The following NCKAP5 variants were observed in gnomAD, a reference collection of about 807,000 sequenced individuals.
The protein encoded by NCKAP5 is nck-associated protein 5.
Under a neutral mutation model 167.0 loss-of-function variants are expected in NCKAP5, and 92 were observed. The ratio of observed to expected loss-of-function variants is 0.55; its 90% CI spans 0.47 to 0.66. The LOEUF is 0.66. Ranked by LOEUF, NCKAP5 falls within the 30% of genes least tolerant of loss-of-function variation. The pLI is 0.00. For synonymous variants in NCKAP5, 891 were observed against 877.4 expected (o/e 1.02, Z -0.27); for missense variants, 2,378 against 2,315.0 (o/e 1.03, Z -0.56).
At chr2:133,168,010 A>G (rs2084071956) in intron 5 of NCKAP5, among the ~76,000 whole-genome samples, 1 of 152,166 alleles carries the variant, frequency 6.6e-6, no homozygotes, top group South Asian at 2.1e-4. Context: ...TACTGTTTGC[A>G]AGGTACTATT....
At chr2:133,347,589 A>G (rs1211371104) in intron 3 of NCKAP5, among the ~76,000 whole-genome samples, 2 of 149,596 alleles carry the variant, frequency 1.3e-5, no homozygotes, top group Admixed American at 6.7e-5. Flanking sequence ...TTAATATAAT[A>G]TAATATAATA....
intron 3 of NCKAP5, 42 bp from the exon 4 acceptor site, chr2:133,303,152 G>A: frequency 7.3e-7 from 1 of 1,370,142 alleles, no homozygotes; most frequent in Non-Finnish European, 1.0e-6. Flanking sequence ...CACTATGACA[G>A]TCCCCACCAT....
the NCKAP5 span, among the ~76,000 whole-genome samples, chr2:133,673,312 C>G: frequency 6.6e-6 from 1 of 152,188 alleles, no homozygotes; most frequent in Non-Finnish European, 1.5e-5. Flanking sequence ...GCTGTTATGT[C>G]TGAAATAGTT....
chr2:133,225,248 C>A (rs932012146), intron 4 of NCKAP5, among the ~76,000 whole-genome samples: 10 of 149,210 alleles, frequency 6.7e-5, no homozygotes, highest in Non-Finnish European at 1.5e-4. Flanking sequence ...GGAAAAAAAA[C>A]ATGCTAATCA....
At chr2:133,385,989 A>T (rs547240190) in intron 3 of NCKAP5, among the ~76,000 whole-genome samples, 1 of 152,252 alleles carries the variant, frequency 6.6e-6, no homozygotes, top group African/African-American at 2.4e-5. Flanking sequence ...GATCTTTTCA[A>T]AAAACCAGCT....
chr2:133,321,670 C>T (rs916540300), intron 3 of NCKAP5, among the ~76,000 whole-genome samples: 5 of 152,176 alleles, frequency 3.3e-5, no homozygotes, highest in African/African-American at 4.8e-5. Flanking sequence ...CCCATAGAGA[C>T]GTCCAGTTTT....
chr2:133,579,809 G>A, the NCKAP5 span, among the ~76,000 whole-genome samples: 1 of 152,038 alleles, frequency 6.6e-6, no homozygotes, highest in African/African-American at 2.4e-5. Context: ...GTTAAACTGA[G>A]GTATACCCAG....
intron 3 of NCKAP5, among the ~76,000 whole-genome samples, chr2:133,488,858 G>T (rs1444985201): frequency 6.6e-6 from 1 of 152,162 alleles, no homozygotes; most frequent in Admixed American, 6.5e-5. Flanking sequence ...GGAGGTTACA[G>T]TGAGCTGAGA....
intron 11 of NCKAP5, among the ~76,000 whole-genome samples, chr2:132,819,726 G>C (rs1278238136): frequency 6.6e-6 from 1 of 151,980 alleles, no homozygotes; most frequent in Non-Finnish European, 1.5e-5. Context: ...GAGGGAATGA[G>C]GATGGGATGG....
At chr2:132,700,926 T>TG (rs1183651068) in intron 19 of NCKAP5, among the ~76,000 whole-genome samples, 1 of 23,660 alleles carries the variant, frequency 4.2e-5, no homozygotes, top group African/African-American at 1.0e-4. Context: ...TACAATCCCC[T>TG]GGGCGGGGGG....
intron 2 of NCKAP5, among the ~76,000 whole-genome samples, chr2:133,545,773 C>T (rs1686608775): frequency 1.3e-5 from 2 of 152,128 alleles, no homozygotes; most frequent in Admixed American, 6.5e-5. Flanking sequence ...AGGGGAGAGG[C>T]AGGATTCGAC....
intron 3 of NCKAP5, chr2:133,333,732 C>T (rs192433608): frequency 4.7e-4 from 72 of 152,336 alleles, no homozygotes; most frequent in African/African-American, 1.7e-3. Flanking sequence ...CTCAAATCTC[C>T]TTTGCCAACA....
intron 4 of NCKAP5, among the ~76,000 whole-genome samples, chr2:133,223,625 AC>A (rs1241579570): frequency 1.3e-5 from 2 of 152,208 alleles, no homozygotes; most frequent in Non-Finnish European, 2.9e-5. Context: ...GTCTTTATAT[AC>A]TTTTTTCCAA....
At chr2:133,393,668 C>T (rs1480723591) in intron 3 of NCKAP5, among the ~76,000 whole-genome samples, 1 of 152,186 alleles carries the variant, frequency 6.6e-6, no homozygotes, top group African/African-American at 2.4e-5. Flanking sequence ...GTTCTACCAC[C>T]TGTTTCAGGA....
At chr2:133,615,671 A>G in the NCKAP5 span, among the ~76,000 whole-genome samples, 18 of 152,296 alleles carry the variant, frequency 1.2e-4, no homozygotes, top group African/African-American at 4.3e-4. Context: ...GTGACCTACA[A>G]AGAGACTTAG....
the NCKAP5 span, among the ~76,000 whole-genome samples, chr2:133,640,666 A>G: frequency 1.3e-5 from 2 of 152,256 alleles, no homozygotes; most frequent in African/African-American, 4.8e-5. Flanking sequence ...TGTAGGGTAA[A>G]GTCATATTGA....
chr2:133,403,903 G>GTA (rs1688259747), intron 3 of NCKAP5, among the ~76,000 whole-genome samples: 1 of 152,102 alleles, frequency 6.6e-6, no homozygotes, highest in Admixed American at 6.5e-5. Context: ...GTGTGTGTGT[G>GTA]TGTGTGTGTG....
At chr2:133,330,115 G>T (rs1038819316) in intron 3 of NCKAP5, among the ~76,000 whole-genome samples, 1 of 133,164 alleles carries the variant, frequency 7.5e-6, no homozygotes, top group Non-Finnish European at 1.5e-5. Context: ...CACCAAGGCT[G>T]GAGAGCAGTG....
At chr2:132,814,907 A>G (rs554165218) in intron 11 of NCKAP5, among the ~76,000 whole-genome samples, 48 of 152,298 alleles carry the variant, frequency 3.2e-4, no homozygotes, top group Admixed American at 1.2e-3. Context: ...CTCTGTTCTA[A>G]TCAAGCATGT....
Sources: allele counts gnomAD v4.1 joint callset (sites outside exome capture counted in the v4.1 genomes callset), GRCh38; gene constraint gnomAD v4.1.1; transcripts MANE v1.5; gene names NCBI Gene and HGNC (gene_info 2026-07-23, HGNC 2026-07-21).